CSNK1G3: variants seen among roughly 807,000 people sequenced by gnomAD.
The protein encoded by CSNK1G3 is casein kinase 1 gamma 3, also known as casein kinase I isoform gamma-3.
Under a neutral mutation model 64.3 loss-of-function variants are expected in CSNK1G3, and 23 were observed. The ratio of observed to expected loss-of-function variants is 0.36; its 90% CI spans 0.26 to 0.51. The LOEUF is 0.51. Ranked by LOEUF, CSNK1G3 falls within the 20% of genes least tolerant of loss-of-function variation. The probability of loss-of-function intolerance (pLI) is 0.96; values close to 1 mark genes in which losing one functional copy is unlikely to be tolerated. For missense variants in CSNK1G3, 357 were observed against 510.5 expected (o/e 0.70, Z 2.90); for synonymous variants, 158 against 162.2 (o/e 0.97, Z 0.20).
chr5:123,519,836 C>G (rs1160961568), intron 1 of CSNK1G3, among the ~76,000 whole-genome samples: 6 of 152,128 alleles, frequency 3.9e-5, no homozygotes, highest in Non-Finnish European at 7.4e-5. Context: ...ACTCTTATAT[C>G]CTAATTACTA....
At chr5:123,587,306 A>C (rs1049400638) in intron 6 of CSNK1G3, among the ~76,000 whole-genome samples, 1 of 152,192 alleles carries the variant, frequency 6.6e-6, no homozygotes, top group Non-Finnish European at 1.5e-5. Flanking sequence ...GTATTTTCTC[A>C]TTGGTAGTTA....
At chr5:123,543,621 C>G (rs1157529159) in intron 1 of CSNK1G3, among the ~76,000 whole-genome samples, 1 of 152,120 alleles carries the variant, frequency 6.6e-6, no homozygotes, top group Non-Finnish European at 1.5e-5. Flanking sequence ...TGAGCCTCAC[C>G]TCTTTGTGCT....
intron 2 of CSNK1G3, among the ~76,000 whole-genome samples, chr5:123,548,121 T>C (rs1228128818): frequency 6.6e-6 from 1 of 152,102 alleles, no homozygotes; most frequent in Non-Finnish European, 1.5e-5. Context: ...CAGTTCTTTT[T>C]TGGGGTAGAA....
rs939988647 is a variant in CSNK1G3, at chr5:123,581,702, C to CT, written c.673+5746dup. Reference sequence around the variant, plus strand: ...CTTTTCCTTTTTAGGTTTGTTTTCTCTTTTTTTAAAAAAAAAATCCTTGTT... The same window carrying CT: ...CTTTTCCTTTTTAGGTTTGTTTTCTCTTTTTTTTAAAAAAAAAATCCTTGTT... On this transcript the variant is annotated intron_variant, in intron 6 of 12. Coordinates refer to ENST00000345990, the Ensembl canonical transcript of CSNK1G3. 8.9e-4 allele frequency among the ~76,000 whole-genome samples: 125 copies of CT among 140,042 alleles called. No homozygotes were observed. In the Middle Eastern group the frequency reaches 0.022, roughly 25 times the overall value. 91.9% of individuals were successfully genotyped at this position (140,042 alleles called of 152,430 possible). A position where few individuals can be genotyped will look rare whatever the true frequency, so the allele number is the denominator to read the frequency against.
At chr5:123,600,634 A>T (rs1794308196) in intron 10 of CSNK1G3, among the ~76,000 whole-genome samples, 1 of 152,072 alleles carries the variant, frequency 6.6e-6, no homozygotes, top group African/African-American at 2.4e-5. Flanking sequence ...CAAAAAAAAA[A>T]AAAAGAAAGA....
At chr5:123,607,337 G>GA (rs1172986973) in intron 12 of CSNK1G3, among the ~76,000 whole-genome samples, 1 of 152,046 alleles carries the variant, frequency 6.6e-6, no homozygotes, top group Non-Finnish European at 1.5e-5. Flanking sequence ...TGAATTTCTT[G>GA]AAAACAGGTA....
At chr5:123,571,964 A>G (rs1788200905) in intron 4 of CSNK1G3, among the ~76,000 whole-genome samples, 1 of 152,250 alleles carries the variant, frequency 6.6e-6, no homozygotes, top group Admixed American at 6.5e-5. Context: ...AAAGGAAGAC[A>G]AGAGTTTTTA....
chr5:123,607,955 A>G (rs956261743), intron 12 of CSNK1G3, among the ~76,000 whole-genome samples: 2 of 151,952 alleles, frequency 1.3e-5, no homozygotes, highest in African/African-American at 4.8e-5. Flanking sequence ...AAGAAATTTG[A>G]GCATGATTTT....
At chr5:123,561,662 CT>C (rs1447324031) in intron 4 of CSNK1G3, among the ~76,000 whole-genome samples, 1 of 152,154 alleles carries the variant, frequency 6.6e-6, no homozygotes, top group Admixed American at 6.5e-5. Context: ...AGTTCTTTAT[CT>C]CCTGCTTCTA....
chr5:123,549,101 A>G (rs1014217258), intron 2 of CSNK1G3, among the ~76,000 whole-genome samples: 2 of 152,196 alleles, frequency 1.3e-5, no homozygotes, highest in African/African-American at 2.4e-5. Context: ...AAGTTGAAAT[A>G]TCTCAAATTG....
At chr5:123,604,372 A>C (rs1449719867) in intron 10 of CSNK1G3, among the ~76,000 whole-genome samples, 1 of 152,090 alleles carries the variant, frequency 6.6e-6, no homozygotes, top group Non-Finnish European at 1.5e-5. Context: ...AATTCATGAT[A>C]TAGCAAGGTG....
At chr5:123,554,919 C>T (rs1257762160) in intron 3 of CSNK1G3, among the ~76,000 whole-genome samples, 1 of 152,180 alleles carries the variant, frequency 6.6e-6, no homozygotes, top group African/African-American at 2.4e-5. Flanking sequence ...CTGTTTCATT[C>T]ATTAAGTGGT....
intron 10 of CSNK1G3, among the ~76,000 whole-genome samples, chr5:123,598,007 G>A (rs1242937256): frequency 6.6e-6 from 1 of 152,102 alleles, no homozygotes; most frequent in Non-Finnish European, 1.5e-5. Flanking sequence ...TCAAAAGAAA[G>A]CATTGATGAA....
chr5:123,540,308 G>A (rs1190520681), intron 1 of CSNK1G3, among the ~76,000 whole-genome samples: 1 of 151,628 alleles, frequency 6.6e-6, no homozygotes, highest in Non-Finnish European at 1.5e-5. Flanking sequence ...TGCTCATTAA[G>A]ACTACATTTT....
intron 1 of CSNK1G3, among the ~76,000 whole-genome samples, chr5:123,524,631 T>TTCC (rs1169399160): frequency 6.6e-6 from 1 of 152,070 alleles, no homozygotes; most frequent in Non-Finnish European, 1.5e-5. Flanking sequence ...TCTTTTCCTC[T>TTCC]TCCTCCTCCT....
At chr5:123,607,766 A>G (rs570647149) in intron 12 of CSNK1G3, among the ~76,000 whole-genome samples, 2 of 152,322 alleles carry the variant, frequency 1.3e-5, no homozygotes, top group East Asian at 3.9e-4. Flanking sequence ...AAGTATAGCA[A>G]CTCATAATAT....
At chr5:123,590,362 G>T in intron 8 of CSNK1G3, 48 bp from the exon 9 acceptor site, 2 of 905,056 alleles carry the variant, frequency 2.2e-6, no homozygotes, top group Non-Finnish European at 3.1e-6. Context: ...TTTTATTACT[G>T]AGTATTAAAG....
chr5:123,542,068 C>T (rs1781756804), intron 1 of CSNK1G3, among the ~76,000 whole-genome samples: 1 of 151,978 alleles, frequency 6.6e-6, no homozygotes, highest in Non-Finnish European at 1.5e-5. Flanking sequence ...TAATTCTTCA[C>T]AAATAGAATA....
intron 10 of CSNK1G3, among the ~76,000 whole-genome samples, chr5:123,593,331 A>T (rs1792796888): frequency 6.6e-6 from 1 of 152,004 alleles, no homozygotes; most frequent in Non-Finnish European, 1.5e-5. Flanking sequence ...TATATTTAAA[A>T]AAAACTTCTT....
Sources: allele counts gnomAD v4.1 joint callset (sites outside exome capture counted in the v4.1 genomes callset), GRCh38; gene constraint gnomAD v4.1.1; transcripts MANE v1.5; gene names NCBI Gene and HGNC (gene_info 2026-07-23, HGNC 2026-07-21).